XKR4: variants seen among roughly 807,000 people sequenced by gnomAD.
XKR4 encodes the protein XK related 4, also known as XK-related protein 4.
In XKR4, 12 loss-of-function variants were observed where a neutral mutation model predicts 53.9. That is an observed-to-expected ratio of 0.22 (90% CI 0.14 to 0.36). XKR4 has a LOEUF of 0.36. Ranked by LOEUF, XKR4 falls within the 10% of genes least tolerant of loss-of-function variation. The pLI is 1.00. For synonymous variants in XKR4, 354 were observed against 362.4 expected, an observed-to-expected ratio of 0.98 and a Z score of 0.26; for missense variants, 799 against 859.5, an observed-to-expected ratio of 0.93 and a Z score of 0.88.
chr8:55,477,309 C>T (rs1806008381), intron 2 of XKR4, among the ~76,000 whole-genome samples: 3 of 152,110 alleles, frequency 2.0e-5, no homozygotes, highest in South Asian at 4.1e-4. Context: ...CTGGAGTGGA[C>T]CTCTAGCAAA....
At chr8:55,194,302 G>A (rs1171106368) in intron 1 of XKR4, among the ~76,000 whole-genome samples, 1 of 152,170 alleles carries the variant, frequency 6.6e-6, no homozygotes, top group East Asian at 1.9e-4. Context: ...CATGAACCCT[G>A]ACTACGACTG....
intron 2 of XKR4, among the ~76,000 whole-genome samples, chr8:55,502,989 T>C (rs77954481): frequency 0.014 from 2,109 of 152,264 alleles, 8 homozygotes; most frequent in Non-Finnish European, 0.016. Context: ...TTGGCAATCT[T>C]GTCAAAAATC....
chr8:55,131,474 T>C (rs745720538), intron 1 of XKR4, among the ~76,000 whole-genome samples: 10 of 152,208 alleles, frequency 6.6e-5, no homozygotes, highest in Non-Finnish European at 1.2e-4. Context: ...ATTTGTGTAG[T>C]GGGAAATCAT....
intron 1 of XKR4, among the ~76,000 whole-genome samples, chr8:55,235,395 C>T (rs1818105319): frequency 6.6e-6 from 1 of 152,124 alleles, no homozygotes; most frequent in Non-Finnish European, 1.5e-5. Flanking sequence ...ACTACAGTTG[C>T]CTCAAATGTA....
chr8:55,413,219 CTTTTCTTTTCT>C (rs1804800554), intron 2 of XKR4, among the ~76,000 whole-genome samples: 1 of 152,104 alleles, frequency 6.6e-6, no homozygotes, highest in African/African-American at 2.4e-5. Flanking sequence ...CATATCTTCA[CTTTTCTTTTCT>C]TTTTCTTTTT....
At chr8:55,182,778 C>A (rs999468471) in intron 1 of XKR4, among the ~76,000 whole-genome samples, 1 of 151,176 alleles carries the variant, frequency 6.6e-6, no homozygotes, top group East Asian at 2.0e-4. Flanking sequence ...CTATGCTAGA[C>A]CTTTTGCCTT....
In XKR4 at chr8:55,523,702, C is replaced by T; in HGVS notation, c.1428C>T (p.Tyr476=). The change falls in exon 3 of 3, where the codon TAC becomes TAT. Residue 476 remains tyrosine, a synonymous_variant. Coordinates refer to ENST00000327381, the MANE Select transcript of XKR4 (RefSeq NM_052898.2). The part of the protein sequence containing the change: ...LENTALSALW[Y]LYKAPQIADA... Reference sequence around the variant, plus strand: ...ATACAGCCTTGAGTGCCCTCTGGTACCTCTACAAGGCTCCCCAGATTGCAG... The same window carrying T: ...ATACAGCCTTGAGTGCCCTCTGGTATCTCTACAAGGCTCCCCAGATTGCAG... 6.2e-7 allele frequency: 1 copy of T among 1,614,210 alleles called. No individual in the cohort carries two copies.
intron 2 of XKR4, among the ~76,000 whole-genome samples, chr8:55,479,685 C>G (rs1171828291): frequency 6.6e-6 from 1 of 152,008 alleles, no homozygotes; most frequent in Non-Finnish European, 1.5e-5. Context: ...AGAGAAGAAT[C>G]AAATAGGCGC....
intron 1 of XKR4, among the ~76,000 whole-genome samples, chr8:55,144,489 G>A (rs1398788984): frequency 6.6e-6 from 1 of 152,094 alleles, no homozygotes; most frequent in African/African-American, 2.4e-5. Context: ...TTCAGCTCCA[G>A]GCAACCGTTG....
chr8:55,532,589 A>T lies in XKR4; in HGVS notation c.*8362A>T, dbSNP rs1806969026. ...GGCGGGCGGATCACAAGGTCAGGAG[A>T]TCGAGACCATCCTGGCTAACACAGT... is the stretch of plus-strand genomic sequence containing the variant. On this transcript the variant is annotated 3_prime_UTR_variant, in exon 3 of 3. Transcript: ENST00000327381. The T allele has an allele frequency of 6.6e-6, 1 of 152,024 alleles. No homozygotes were observed. Among genetic ancestry groups the T allele is most frequent in the Non-Finnish European group, 1.5e-5 (1 of 68,026 alleles). The allele number at this position is 152,024 out of a possible 1,614,324, so 9.4% of individuals were successfully genotyped here. A position where few individuals can be genotyped will look rare whatever the true frequency, so the allele number is the denominator to read the frequency against.
chr8:55,347,886 T>C (rs1803671821), intron 1 of XKR4, among the ~76,000 whole-genome samples: 1 of 152,232 alleles, frequency 6.6e-6, no homozygotes. Flanking sequence ...TCTGTATAAA[T>C]ATCTAAGTGG....
At chr8:55,470,640 T>G (rs1805865194) in intron 2 of XKR4, among the ~76,000 whole-genome samples, 1 of 152,162 alleles carries the variant, frequency 6.6e-6, no homozygotes, top group Admixed American at 6.5e-5. Flanking sequence ...ATCAAATTTT[T>G]TAAAGCAAGG....
chr8:55,470,359 T>A (rs1442817127), intron 2 of XKR4, among the ~76,000 whole-genome samples: 1 of 152,140 alleles, frequency 6.6e-6, no homozygotes, highest in Non-Finnish European at 1.5e-5. Context: ...GGGAGATAAA[T>A]GAATCATGGG....
intron 2 of XKR4, chr8:55,453,754 C>A (rs1243631411): frequency 5.1e-6 from 2 of 392,092 alleles, no homozygotes; most frequent in Non-Finnish European, 9.8e-6. Flanking sequence ...GGTTCTTGTT[C>A]TTGCAGAGCT....
chr8:55,329,176 C>T (rs1803345932), intron 1 of XKR4, among the ~76,000 whole-genome samples: 1 of 152,056 alleles, frequency 6.6e-6, no homozygotes, highest in Non-Finnish European at 1.5e-5. Flanking sequence ...GATAGTAGAA[C>T]TCAGAGTTGA....
chr8:55,254,706 T>C (rs567218567), intron 1 of XKR4, among the ~76,000 whole-genome samples: 4 of 152,264 alleles, frequency 2.6e-5, no homozygotes, highest in South Asian at 4.1e-4. Context: ...TAGAACCGCA[T>C]GCTCTCTAGA....
chr8:55,118,503 A>T (rs532199896), intron 1 of XKR4, among the ~76,000 whole-genome samples: 7 of 152,156 alleles, frequency 4.6e-5, no homozygotes, highest in Non-Finnish European at 1.0e-4. Context: ...ACCTCCTAAG[A>T]CCTATCTCAG....
At chr8:55,125,458 T>G (rs1037710759) in intron 1 of XKR4, among the ~76,000 whole-genome samples, 4 of 152,216 alleles carry the variant, frequency 2.6e-5, no homozygotes, top group African/African-American at 9.7e-5. Flanking sequence ...GGTCTCAAAC[T>G]CCCGACCTCA....
At chr8:55,336,053 A>AT (rs1334254773) in intron 1 of XKR4, among the ~76,000 whole-genome samples, 1 of 151,544 alleles carries the variant, frequency 6.6e-6, no homozygotes, top group Non-Finnish European at 1.5e-5. Context: ...AAAAAAAAAA[A>AT]AAAAAAGAAA....
Sources: gnomAD v4.1 joint callset for allele counts (sites outside exome capture counted in the v4.1 genomes callset) on GRCh38, gnomAD v4.1.1 for gene constraint, MANE v1.5 for transcripts, NCBI Gene and HGNC (gene_info 2026-07-23, HGNC 2026-07-21) for gene names.